The following ALDH6A1 variants were observed in gnomAD, a reference collection of about 807,000 sequenced individuals.
ALDH6A1 encodes aldehyde dehydrogenase 6 family member A1.
A neutral mutation model predicts 62.6 loss-of-function variants in ALDH6A1; 43 were observed. That is an observed-to-expected ratio of 0.69 (90% CI 0.54 to 0.89). The LOEUF is 0.89. Among genes scored for constraint, ALDH6A1 ranks in the 40% least tolerant of loss-of-function variants. The pLI is 0.00. For synonymous variants in ALDH6A1, 194 were observed against 234.2 expected, an observed-to-expected ratio of 0.83 and a Z score of 1.57; for missense variants, 551 against 661.3, an observed-to-expected ratio of 0.83 and a Z score of 1.83.
intron 2 of ALDH6A1, 68 bp from the exon 3 acceptor site, chr14:74,072,679 T>C: frequency 6.4e-7 from 1 of 1,554,764 alleles, no homozygotes. Flanking sequence ...ATTGCTTTGC[T>C]TTTCCCTTTC....
chr14:74,078,746 C>G lies in ALDH6A1; in HGVS notation c.49-3729G>C, dbSNP rs1417198935. 2.0e-5 allele frequency among the ~76,000 whole-genome samples: 3 copies of G among 151,794 alleles called. No individual in the cohort carries two copies. In the East Asian group the frequency reaches 5.8e-4, roughly 29 times the overall value. On this transcript the variant is annotated intron_variant, in intron 1 of 11. Coordinates refer to ENST00000553458, the MANE Select transcript of ALDH6A1 (RefSeq NM_005589.4). The stretch of plus-strand genomic sequence containing the variant: ...GTTTCAACATGTTGGCCAGGCTGGT[C>G]TCAAACTCCTGACCTCAAGTGATCT...
chr14:74,072,279 G>T lies in ALDH6A1; in HGVS notation c.272C>A (p.Pro91His). The change falls in exon 4 of 12, where the codon CCT (proline) becomes CAT (histidine). Residue 91 changes from proline (P) to histidine (H), a missense_variant. Pro to His is a moderately conservative substitution (Grantham distance 77). Coordinates refer to ENST00000553458, the MANE Select transcript of ALDH6A1 (RefSeq NM_005589.4). ...TAATACTGAAGTGTCTGCCCATGCA[G>T]GAAAAGCACGTTTGCAGGAAGCAAT... ...AAIASCKRAFPAWADTSVLSR... is the reference protein window; with the variant it reads ...AAIASCKRAFHAWADTSVLSR... 6.2e-7 allele frequency: 1 copy of T among 1,614,236 alleles called. No individual in the cohort carries two copies. Among genetic ancestry groups the T allele is most frequent in the Non-Finnish European group, 8.5e-7 (1 of 1,180,052 alleles).
intron 1 of ALDH6A1, chr14:74,081,066 G>A (rs981227810): frequency 3.3e-5 from 5 of 152,040 alleles, no homozygotes; most frequent in African/African-American, 1.2e-4. Context: ...TACTCCTTTA[G>A]GTCCCCACTC....
chr14:74,075,021 T>C lies in ALDH6A1; in HGVS notation c.49-4A>G. On this transcript the variant is annotated splice_polypyrimidine_tract_variant and splice_region_variant and intron_variant, in intron 1 of 11. Transcript: ENST00000553458. ...TGGATTTCACCTTGGAAGAAACCTG[T>C]GAGGCAAAAGAACGATTATTTTGAT... 6 of 1,613,720 alleles carry C rather than the reference T, an allele frequency of 3.7e-6. No individual in the cohort carries two copies. The highest frequency in any genetic ancestry group is 5.1e-6 in the Non-Finnish European group (6 of 1,179,750).
intron 1 of ALDH6A1, among the ~76,000 whole-genome samples, chr14:74,080,594 T>G (rs1028941033): frequency 2.6e-5 from 4 of 152,082 alleles, no homozygotes; most frequent in Non-Finnish European, 4.4e-5. Context: ...CATGCCACCA[T>G]GCCCAGCTAA....
chr14:74,066,965 C>T, intron 8 of ALDH6A1, 79 bp from the exon 9 acceptor site: 3 of 1,434,448 alleles, frequency 2.1e-6, no homozygotes, highest in Non-Finnish European at 2.9e-6. Context: ...CCTGTAATCC[C>T]AAAGCTTTAG....
At chr14:74,071,617 T>G (rs2139790703) in intron 5 of ALDH6A1, 120 bp from the exon 6 acceptor site, 2 of 1,578,288 alleles carry the variant, frequency 1.3e-6, no homozygotes, top group East Asian at 2.3e-5. Flanking sequence ...CAGGGTACAC[T>G]GACTTGCCCT....
intron 5 of ALDH6A1, 47 bp from the exon 6 acceptor site, chr14:74,071,544 T>G (rs780794830): frequency 6.2e-7 from 1 of 1,612,380 alleles, no homozygotes; most frequent in Non-Finnish European, 8.5e-7. Flanking sequence ...TGTGTACTAG[T>G]TAGCTTTGTC....
At chr14:74,079,695 G>C (rs2060652443) in intron 1 of ALDH6A1, among the ~76,000 whole-genome samples, 1 of 151,984 alleles carries the variant, frequency 6.6e-6, no homozygotes, top group African/African-American at 2.4e-5. Flanking sequence ...GCCTCCCAAA[G>C]TGCTGGGATT....
Position 74,057,481 on chromosome 14 carries a change from A to G in ALDH6A1, c.*3161T>C, listed in dbSNP as rs1442657247. The G allele has an allele frequency of 1.4e-6, 2 of 1,429,154 alleles. No individual in the cohort carries two copies. Among genetic ancestry groups the G allele is most frequent in the Admixed American group, 2.6e-5 (1 of 38,506 alleles). The allele number at this position is 1,429,154 out of a possible 1,614,324, so 88.5% of individuals were successfully genotyped here. A position where few individuals can be genotyped will look rare whatever the true frequency, so the allele number is the denominator to read the frequency against. On this transcript the variant is annotated 3_prime_UTR_variant, in exon 12 of 12. Coordinates refer to ENST00000553458, the MANE Select transcript of ALDH6A1 (RefSeq NM_005589.4). ...CAAATGTGTGCCTCTTTTTGTGTAG[A>G]AACCTATAGGTTGCCTTTTGAAGTA...
intron 2 of ALDH6A1, 27 bp from the exon 3 acceptor site, chr14:74,072,638 C>CA: frequency 6.2e-7 from 1 of 1,609,890 alleles, no homozygotes; most frequent in Non-Finnish European, 8.5e-7. Context: ...AACAAACAAA[C>CA]AAACAAAAAC....
intron 1 of ALDH6A1, among the ~76,000 whole-genome samples, chr14:74,076,050 C>T (rs577256320): frequency 1.3e-5 from 2 of 152,132 alleles, no homozygotes; most frequent in Non-Finnish European, 2.9e-5. Context: ...GAAAGCAGAA[C>T]AGTGGTTACC....
rs1194925762 is a variant in ALDH6A1, at chr14:74,057,178, AC to A, written c.*3463del. 3 of 1,613,452 alleles carry A rather than the reference AC, an allele frequency of 1.9e-6. No individual in the cohort carries two copies. The highest frequency in any genetic ancestry group is 1.1e-5 in the South Asian group (1 of 91,050). ...TAAGCTTCAAGATAAAATCTTCATC[AC>A]CCAGCAAATTGCAATATCAGACTCT... On this transcript the variant is annotated 3_prime_UTR_variant, in exon 12 of 12. Coordinates refer to ENST00000553458, the MANE Select transcript of ALDH6A1 (RefSeq NM_005589.4).
chr14:74,065,410 G>T, intron 9 of ALDH6A1, 50 bp from the exon 10 acceptor site: 2 of 1,554,140 alleles, frequency 1.3e-6, no homozygotes, highest in Non-Finnish European at 1.8e-6. Context: ...TGGATTCTGA[G>T]TATTTTATGC....
At chr14:74,066,620 T>A (rs2060470422) in intron 9 of ALDH6A1, 85 bp downstream of exon 9, 1 of 1,328,372 alleles carries the variant, frequency 7.5e-7, no homozygotes, top group Admixed American at 1.7e-5. Context: ...TCATTAAGTA[T>A]TTTCATTAAT....
In ALDH6A1 at chr14:74,068,876, C is replaced by G. The variant is rs749727831; in HGVS notation, c.836G>C (p.Arg279Thr). 7 of 1,613,898 alleles carry G rather than the reference C, an allele frequency of 4.3e-6. No individual in the cohort carries two copies. The highest frequency in any genetic ancestry group is 5.9e-6 in the Non-Finnish European group (7 of 1,179,956). ...IFERGSRHGKRVQANMGAKNH... is the reference protein window; with the variant it reads ...IFERGSRHGKTVQANMGAKNH... Reference sequence around the variant, plus strand: ...AGAAGTCACCATATTGGCTTGAACCCTCTTGCCATGTCTTGATCCTCTCTC... The same window carrying G: ...AGAAGTCACCATATTGGCTTGAACCGTCTTGCCATGTCTTGATCCTCTCTC... Residue 279 changes from arginine to threonine, a missense_variant, in exon 7 of 12, where the codon AGG becomes ACG. Transcript: ENST00000553458.
chr14:74,069,315 G>T (rs563750744), intron 6 of ALDH6A1: 3 of 338,284 alleles, frequency 8.9e-6, no homozygotes, highest in Non-Finnish European at 1.7e-5. Flanking sequence ...TCTTGGCCAG[G>T]CTGGTCTTGA....
At chr14:74,067,278 G>T in intron 8 of ALDH6A1, 102 bp downstream of exon 8, 1 of 1,326,610 alleles carries the variant, frequency 7.5e-7, no homozygotes, top group Non-Finnish European at 1.1e-6. Context: ...GAAATGGCAA[G>T]AATAGACATG....
At chr14:74,073,496 T>C (rs779956567) in intron 2 of ALDH6A1, among the ~76,000 whole-genome samples, 1 of 152,212 alleles carries the variant, frequency 6.6e-6, no homozygotes, top group Admixed American at 6.5e-5. Context: ...TGGAACTTCA[T>C]GAGTAGAAAC....
Sources: gnomAD v4.1 joint callset for allele counts (sites outside exome capture counted in the v4.1 genomes callset) on GRCh38, gnomAD v4.1.1 for gene constraint, MANE v1.5 for transcripts, NCBI Gene and HGNC (gene_info 2026-07-23, HGNC 2026-07-21) for gene names.